Variants in FGF10 observed in about 807,000 individuals in gnomAD.
FGF10 encodes fibroblast growth factor 10, also known as FGF-10.
Under a neutral mutation model 19.8 loss-of-function variants are expected in FGF10, and 2 were observed. The ratio of observed to expected loss-of-function variants is 0.10; its 90% confidence interval spans 0.04 to 0.32. FGF10 has a LOEUF of 0.32. Among genes scored for constraint, FGF10 ranks in the 10% least tolerant of loss-of-function variants. The probability of loss-of-function intolerance (pLI) is 1.00; values close to 1 mark genes in which losing one functional copy is unlikely to be tolerated. For missense variants in FGF10, 191 were observed against 246.3 expected, an observed-to-expected ratio of 0.78 and a Z score of 1.50; for synonymous variants, 112 against 94.0, an observed-to-expected ratio of 1.19 and a Z score of -1.10.
Position 44,304,910 on chromosome 5 carries a change from T to G in FGF10, c.*85A>C, listed in dbSNP as rs1740040491. The G allele has an allele frequency of 7.2e-7, 1 of 1,393,736 alleles. No individual in the cohort carries two copies. 86.3% of individuals were successfully genotyped at this position (1,393,736 alleles called of 1,614,324 possible). A position where few individuals can be genotyped will look rare whatever the true frequency, so the allele number is the denominator to read the frequency against. ...GACATCTGCAACGTGTCTTTGCCTT[T>G]CAATCTACTGTCTTCATGAAGAATA... is the stretch of plus-strand genomic sequence containing the variant. On this transcript the variant is annotated 3_prime_UTR_variant, in exon 3 of 3. Coordinates refer to ENST00000264664, the MANE Select transcript of FGF10 (RefSeq NM_004465.2).
At chr5:44,361,568 T>C (rs1182137804) in intron 1 of FGF10, among the ~76,000 whole-genome samples, 1 of 151,446 alleles carries the variant, frequency 6.6e-6, no homozygotes, top group Admixed American at 6.6e-5. Context: ...CAAATAAGAA[T>C]TTGGAAGGGG....
intron 1 of FGF10, among the ~76,000 whole-genome samples, chr5:44,385,294 A>G (rs1482206651): frequency 1.3e-5 from 2 of 152,146 alleles, no homozygotes; most frequent in Admixed American, 1.3e-4. Context: ...TCACCCATAT[A>G]GAGAAGAGCT....
At chr5:44,350,284 G>A (rs1741202361) in intron 1 of FGF10, among the ~76,000 whole-genome samples, 1 of 150,638 alleles carries the variant, frequency 6.6e-6, no homozygotes, top group South Asian at 2.1e-4. Context: ...ATATTTTAAT[G>A]ATATGAAAAA....
intron 1 of FGF10, among the ~76,000 whole-genome samples, chr5:44,375,058 C>T (rs1193674275): frequency 3.3e-5 from 5 of 152,110 alleles, no homozygotes; most frequent in African/African-American, 4.8e-5. Context: ...TATTAATCAC[C>T]TTTCCAGACC....
chr5:44,315,532 C>CA (rs1453932743), intron 1 of FGF10, among the ~76,000 whole-genome samples: 5 of 150,662 alleles, frequency 3.3e-5, no homozygotes, highest in Middle Eastern at 3.4e-3. Context: ...ATGTACTTTC[C>CA]AAAAAAAAAT....
At position 44,343,767 on chromosome 5, in the gene FGF10, A is replaced by T. The variant is rs367662006; in HGVS notation, c.326-33237T>A. On this transcript the variant is annotated intron_variant, in intron 1 of 2. Coordinates refer to ENST00000264664, the MANE Select transcript of FGF10 (RefSeq NM_004465.2). ...TGGTATCTTGTTTTTATTATATTTAATTATGTGATCACCTTCTATTTATGG... is the reference window on the plus strand; with the variant it reads ...TGGTATCTTGTTTTTATTATATTTATTTATGTGATCACCTTCTATTTATGG... 2.6e-5 allele frequency among the ~76,000 whole-genome samples: 4 copies of T among 151,948 alleles called. No individual in the cohort carries two copies. The East Asian group carries it at 7.8e-4, about 29-fold the overall frequency.
Position 44,389,154 on chromosome 5 carries a change from GTC to G in FGF10, c.-474_-473del, listed in dbSNP as rs923383808. On this transcript the variant is annotated 5_prime_UTR_variant, in exon 1 of 3. Coordinates refer to ENST00000264664, the MANE Select transcript of FGF10 (RefSeq NM_004465.2). ...ACCCCTCTGCGGTTGGCACCTTCTG[GTC>G]TCTCTCTGCGGAGCCCCAGCCTGCG... 331 of 232,398 alleles carry G rather than the reference GTC, an allele frequency of 1.4e-3. 3 individuals carry two copies. The highest frequency in any genetic ancestry group is 7.0e-3 in the African/African-American group (316 of 45,112). 14.4% of individuals were successfully genotyped at this position (232,398 alleles called of 1,614,324 possible).
intron 2 of FGF10, 98 bp from the exon 3 acceptor site, chr5:44,305,290 T>G: frequency 9.2e-7 from 1 of 1,090,022 alleles, no homozygotes; most frequent in African/African-American, 1.5e-5. Context: ...GGATTCTGTT[T>G]GTAGTTGCCA....
At chr5:44,379,787 G>A (rs1741946031) in intron 1 of FGF10, among the ~76,000 whole-genome samples, 1 of 152,088 alleles carries the variant, frequency 6.6e-6, no homozygotes, top group Non-Finnish European at 1.5e-5. Context: ...TCTTTCCTGA[G>A]AGTTCAAAAC....
At chr5:44,353,759 C>T (rs148365007) in intron 1 of FGF10, among the ~76,000 whole-genome samples, 1 of 150,740 alleles carries the variant, frequency 6.6e-6, no homozygotes, top group African/African-American at 2.4e-5. Flanking sequence ...ACTAAGCCAT[C>T]AATGGGAAGA....
At chr5:44,372,848 T>C (rs1741771274) in intron 1 of FGF10, among the ~76,000 whole-genome samples, 1 of 152,102 alleles carries the variant, frequency 6.6e-6, no homozygotes. Flanking sequence ...CTCCACTAGG[T>C]TTCAAGGCCT....
chr5:44,379,700 C>T (rs1741944892), intron 1 of FGF10, among the ~76,000 whole-genome samples: 2 of 152,212 alleles, frequency 1.3e-5, no homozygotes, highest in African/African-American at 2.4e-5. Flanking sequence ...CAGTTGAATG[C>T]CAGGGCTTGG....
chr5:44,330,454 A>G (rs1740706046), intron 1 of FGF10, among the ~76,000 whole-genome samples: 1 of 152,244 alleles, frequency 6.6e-6, no homozygotes, highest in Non-Finnish European at 1.5e-5. Context: ...GCCTTTTGGC[A>G]TTAACTACCT....
At position 44,371,996 on chromosome 5, in the gene FGF10, C is replaced by T. The variant is rs79988280; in HGVS notation, c.325+16362G>A. Reference sequence around the variant, plus strand: ...CAAATTATCCTTAATTTGGGCTGCACAAAGTTGTCTTAGATTCCTGTATTA... The same window carrying T: ...CAAATTATCCTTAATTTGGGCTGCATAAAGTTGTCTTAGATTCCTGTATTA... On this transcript the variant is annotated intron_variant, in intron 1 of 2. Coordinates refer to ENST00000264664, the MANE Select transcript of FGF10 (RefSeq NM_004465.2). 2.2e-3 allele frequency among the ~76,000 whole-genome samples: 341 copies of T among 152,234 alleles called. 2 individuals are homozygous for T. Among genetic ancestry groups the T allele is most frequent in the African/African-American group, 7.9e-3 (329 of 41,542 alleles).
At chr5:44,317,897 G>A (rs1740386434) in intron 1 of FGF10, among the ~76,000 whole-genome samples, 1 of 152,084 alleles carries the variant, frequency 6.6e-6, no homozygotes. Context: ...CACGTGTCTA[G>A]GACAGAAATG....
chr5:44,326,171 G>A (rs1341351585), intron 1 of FGF10, among the ~76,000 whole-genome samples: 3 of 152,160 alleles, frequency 2.0e-5, no homozygotes, highest in Non-Finnish European at 2.9e-5. Flanking sequence ...ACTCTATTAA[G>A]CAATTTTTCC....
At chr5:44,330,369 G>C (rs757571997) in intron 1 of FGF10, among the ~76,000 whole-genome samples, 1 of 152,184 alleles carries the variant, frequency 6.6e-6, no homozygotes, top group Non-Finnish European at 1.5e-5. Context: ...GGGATAGGAA[G>C]TTGGTTTCTG....
chr5:44,338,275 T>G (rs1428256164), intron 1 of FGF10, among the ~76,000 whole-genome samples: 1 of 152,196 alleles, frequency 6.6e-6, no homozygotes, highest in African/African-American at 2.4e-5. Flanking sequence ...TGTGATGACA[T>G]TATTGGTTAT....
At chr5:44,318,172 G>A (rs1740398979) in intron 1 of FGF10, among the ~76,000 whole-genome samples, 2 of 152,132 alleles carry the variant, frequency 1.3e-5, no homozygotes, top group Non-Finnish European at 2.9e-5. Context: ...TTTGCAATGG[G>A]ATAAATTGCG....
Sources: allele counts gnomAD v4.1 joint callset (sites outside exome capture counted in the v4.1 genomes callset), GRCh38; gene constraint gnomAD v4.1.1; transcripts MANE v1.5; gene names NCBI Gene and HGNC (gene_info 2026-07-23, HGNC 2026-07-21).